ACYP2: variants seen among roughly 807,000 people sequenced by gnomAD.
ACYP2 encodes the protein acylphosphatase-2.
A neutral mutation model predicts 11.2 loss-of-function variants in ACYP2; 12 were observed. The ratio of observed to expected loss-of-function variants is 1.08; its 90% CI spans 0.69 to 1.74. The LOEUF is 1.74. ACYP2 is among the 40% of genes most tolerant of loss of function. The probability of loss-of-function intolerance (pLI) is 0.00; values close to 1 mark genes in which losing one functional copy is unlikely to be tolerated. For missense variants in ACYP2, 134 were observed against 101.9 expected (o/e 1.31, Z -1.35); for synonymous variants, 43 against 32.2 (o/e 1.33, Z -1.13).
intron 6 of ACYP2, among the ~76,000 whole-genome samples, chr2:54,239,581 G>A (rs1686643239): frequency 6.6e-6 from 1 of 152,188 alleles, no homozygotes. Context: ...TCTGATGTGA[G>A]CCAGAGGAGT....
chr2:54,304,461 T>C (rs953790663), intron 6 of ACYP2, among the ~76,000 whole-genome samples: 1 of 152,118 alleles, frequency 6.6e-6, no homozygotes, highest in Non-Finnish European at 1.5e-5. Flanking sequence ...TCATCAGGAA[T>C]TGACTGTGCT....
chr2:54,154,521 A>T (rs377190180), intron 6 of ACYP2, among the ~76,000 whole-genome samples: 6 of 152,168 alleles, frequency 3.9e-5, no homozygotes, highest in Admixed American at 6.5e-5. Flanking sequence ...TCTGCATCTA[A>T]TGTGGTGATC....
intron 2 of ACYP2, among the ~76,000 whole-genome samples, chr2:54,004,998 A>G (rs1672993029): frequency 6.6e-6 from 1 of 151,200 alleles, no homozygotes; most frequent in South Asian, 2.1e-4. Flanking sequence ...TTTTGCAAGT[A>G]TTTTCTCCAG....
intron 6 of ACYP2, among the ~76,000 whole-genome samples, chr2:54,268,490 T>C (rs1489339760): frequency 6.6e-6 from 1 of 152,094 alleles, no homozygotes. Context: ...CTTATAGTGA[T>C]CTACCCAATG....
chr2:53,992,593 G>A (rs1672354380), intron 2 of ACYP2, among the ~76,000 whole-genome samples: 1 of 152,160 alleles, frequency 6.6e-6, no homozygotes, highest in South Asian at 2.1e-4. Flanking sequence ...CACTTTGGGA[G>A]GCTAAGGTGG....
chr2:54,102,735 G>T (rs186234486), intron 4 of ACYP2, among the ~76,000 whole-genome samples: 5 of 149,668 alleles, frequency 3.3e-5, no homozygotes, highest in African/African-American at 1.2e-4. Context: ...AGGAACAGGG[G>T]CTCAAACAAT....
intron 6 of ACYP2, among the ~76,000 whole-genome samples, chr2:54,182,663 T>G (rs190919846): frequency 2.0e-5 from 3 of 152,338 alleles, no homozygotes; most frequent in African/African-American, 7.2e-5. Flanking sequence ...GACCACCGTT[T>G]GGTGTCTGGA....
chr2:54,211,027 C>T (rs550510274), intron 6 of ACYP2, among the ~76,000 whole-genome samples: 9 of 152,274 alleles, frequency 5.9e-5, no homozygotes, highest in Non-Finnish European at 1.0e-4. Context: ...TCCTTCTGGC[C>T]GTACAGATTT....
chr2:54,071,725 G>T (rs565591837), intron 4 of ACYP2, among the ~76,000 whole-genome samples: 1 of 152,048 alleles, frequency 6.6e-6, no homozygotes, highest in Non-Finnish European at 1.5e-5. Context: ...TAAAAATGAC[G>T]TTAGGCCGGG....
chr2:54,187,409 C>T (rs926218676), intron 6 of ACYP2, among the ~76,000 whole-genome samples: 11 of 152,032 alleles, frequency 7.2e-5, no homozygotes, highest in Admixed American at 1.3e-4. Context: ...GTAGTGTTGC[C>T]GGAGGGAGAT....
At position 54,153,652 on chromosome 2, in the gene ACYP2, T is replaced by G. The variant is rs890816164; in HGVS notation, c.404+14904T>G. On this transcript the variant is annotated intron_variant, in intron 6 of 6. Transcript: ENST00000607452. ...TCTCGCTCTGTCACCCAGGCTGGAGTGCAGTGGCGTGATCTCGGCTCACTG... is the reference window on the plus strand; with the variant it reads ...TCTCGCTCTGTCACCCAGGCTGGAGGGCAGTGGCGTGATCTCGGCTCACTG... 2.7e-5 allele frequency among the ~76,000 whole-genome samples: 4 copies of G among 149,868 alleles called. No individual in the cohort carries two copies. In the East Asian group the frequency reaches 7.9e-4, roughly 30 times the overall value.
intron 4 of ACYP2, among the ~76,000 whole-genome samples, chr2:54,099,423 C>T (rs1224824080): frequency 6.6e-6 from 1 of 152,148 alleles, no homozygotes; most frequent in African/African-American, 2.4e-5. Context: ...CTTTGACCAG[C>T]GTCTCCCCAG....
intron 6 of ACYP2, chr2:54,143,449 G>C (rs1025313055): frequency 2.6e-5 from 4 of 151,946 alleles, no homozygotes; most frequent in African/African-American, 9.7e-5. Context: ...GTTTTGTTTT[G>C]TTTTGGTGGA....
intron 6 of ACYP2, among the ~76,000 whole-genome samples, chr2:54,165,090 T>A (rs958651918): frequency 3.3e-5 from 5 of 152,096 alleles, no homozygotes; most frequent in East Asian, 1.9e-4. Context: ...TGTGCTATAT[T>A]TTTTTTTATC....
intron 2 of ACYP2, among the ~76,000 whole-genome samples, chr2:54,038,160 C>G (rs1675010833): frequency 6.6e-6 from 1 of 152,192 alleles, no homozygotes; most frequent in African/African-American, 2.4e-5. Context: ...CAGATTTATT[C>G]TAACCTCTGA....
chr2:54,302,062 G>A (rs112577457), intron 6 of ACYP2, among the ~76,000 whole-genome samples: 4,769 of 152,274 alleles, frequency 0.031, 260 homozygotes, highest in African/African-American at 0.11. Flanking sequence ...TGGGGAAGAA[G>A]TCCCTGATGA....
intron 2 of ACYP2, among the ~76,000 whole-genome samples, chr2:54,045,164 C>T (rs1008031210): frequency 6.6e-6 from 1 of 152,194 alleles, no homozygotes; most frequent in African/African-American, 2.4e-5. Context: ...AGCTGACTCA[C>T]CAAAGAATGC....
chr2:54,009,549 G>T lies in ACYP2; in HGVS notation c.62+35739G>T, dbSNP rs550498797. On this transcript the variant is annotated intron_variant, in intron 2 of 6. Transcript: ENST00000607452. ...AGATTGCATCACTGCACGCCAGCCTGGGGGACACGAGTGAAACTCTGTCTC... is the reference window on the plus strand; with the variant it reads ...AGATTGCATCACTGCACGCCAGCCTTGGGGACACGAGTGAAACTCTGTCTC... Among the ~76,000 whole-genome samples the T allele has an allele frequency of 3.9e-5, 6 of 152,254 alleles. No individual in the cohort carries two copies. The East Asian group carries it at 1.2e-3, about 29-fold the overall frequency.
rs56661888 is a variant in ACYP2 at position 54,201,592 on chromosome 2, TTCTC to T, written c.404+62846_404+62849del. 4.1e-3 allele frequency among the ~76,000 whole-genome samples: 423 copies of T among 104,084 alleles called. 6 individuals carry two copies. Among genetic ancestry groups the T allele is most frequent in the African/African-American group, 0.012 (364 of 30,962 alleles). 68.3% of individuals were successfully genotyped at this position (104,084 alleles called of 152,430 possible). A position where few individuals can be genotyped will look rare whatever the true frequency, so the allele number is the denominator to read the frequency against. On this transcript the variant is annotated intron_variant, in intron 6 of 6. Coordinates refer to ENST00000607452, the MANE Select transcript of ACYP2 (RefSeq NM_001320586.2). ...TGATAGCCAGCTTCTTTTTCTTTCT[TTCTC>T]TTTCTTTCTTTCTTTCTTTCTTTCT...
Sources: gnomAD v4.1 joint callset for allele counts (sites outside exome capture counted in the v4.1 genomes callset) on GRCh38, gnomAD v4.1.1 for gene constraint, MANE v1.5 for transcripts, NCBI Gene and HGNC (gene_info 2026-07-23, HGNC 2026-07-21) for gene names.